The following PCDH9 variants were observed in gnomAD, a reference collection of about 807,000 sequenced individuals.
The protein encoded by PCDH9 is protocadherin 9.
PCDH9 carries 24 observed loss-of-function variants against 70.6 expected under a neutral mutation model. The observed-to-expected ratio is 0.34, with a 90% CI of 0.25 to 0.48. The LOEUF (loss-of-function observed/expected upper bound fraction) is 0.48. Among genes scored for constraint, PCDH9 ranks in the 20% least tolerant of loss-of-function variants. The pLI, the probability that PCDH9 is intolerant of heterozygous loss-of-function variation, is 0.99. For missense variants in PCDH9, 1,281 were observed against 1,503.6 expected (o/e 0.85, Z 2.45); for synonymous variants, 562 against 558.5 (o/e 1.01, Z -0.09).
At chr13:67,121,642 T>C (rs565480390) in intron 2 of PCDH9, among the ~76,000 whole-genome samples, 4 of 152,320 alleles carry the variant, frequency 2.6e-5, no homozygotes, top group African/African-American at 9.6e-5. Context: ...TGGCTAGAAA[T>C]AGTACTTGTA....
intron 3 of PCDH9, among the ~76,000 whole-genome samples, chr13:66,688,770 T>A (rs112455858): frequency 0.017 from 2,592 of 152,268 alleles, 86 homozygotes; most frequent in African/African-American, 0.059. Context: ...ATATAGCACT[T>A]GCATATTTTC....
chr13:66,690,373 T>G (rs751686835), intron 3 of PCDH9, among the ~76,000 whole-genome samples: 1 of 152,168 alleles, frequency 6.6e-6, no homozygotes, highest in Non-Finnish European at 1.5e-5. Context: ...ATTGATAGAT[T>G]TTAAGTCTGA....
At chr13:67,126,500 G>A (rs2086983569) in intron 2 of PCDH9, among the ~76,000 whole-genome samples, 1 of 152,032 alleles carries the variant, frequency 6.6e-6, no homozygotes, top group South Asian at 2.1e-4. Context: ...CTGTATCCTG[G>A]CAGCAAGGAG....
At chr13:66,880,809 C>G (rs1019404014) in intron 3 of PCDH9, among the ~76,000 whole-genome samples, 4 of 152,118 alleles carry the variant, frequency 2.6e-5, no homozygotes, top group Non-Finnish European at 1.5e-5. Flanking sequence ...TTTAACTTGT[C>G]ATAATAATTC....
rs73510070 is a variant in PCDH9, at chr13:66,455,946, A to G, written c.3341-150918T>C. Among the ~76,000 whole-genome samples the G allele has an allele frequency of 8.7e-3, 1,328 of 152,286 alleles. 19 individuals carry two copies. Among genetic ancestry groups the G allele is most frequent in the African/African-American group, 0.03 (1,238 of 41,578 alleles). On this transcript the variant is annotated intron_variant, in intron 4 of 4. Coordinates refer to ENST00000377865, the MANE Select transcript of PCDH9 (RefSeq NM_203487.3). ...CAGCCCATGTTGAAACGTCAGAAGA[A>G]TCTGCACTGGCTATGAAATTATATA...
intron 3 of PCDH9, among the ~76,000 whole-genome samples, chr13:66,839,299 A>G (rs936753393): frequency 2.2e-4 from 34 of 152,252 alleles, no homozygotes; most frequent in African/African-American, 7.7e-4. Context: ...AGATATCTCA[A>G]CAGAATTTCC....
chr13:66,944,817 CTGTGTGTGTG>C (rs67182136), intron 2 of PCDH9, among the ~76,000 whole-genome samples: 23 of 135,448 alleles, frequency 1.7e-4, no homozygotes, highest in African/African-American at 3.4e-4. Flanking sequence ...CTAATCGTCT[CTGTGTGTGTG>C]TGTGTGTGTG....
intron 2 of PCDH9, among the ~76,000 whole-genome samples, chr13:67,016,304 CACTT>C (rs1396361664): frequency 6.6e-6 from 1 of 152,182 alleles, no homozygotes; most frequent in Non-Finnish European, 1.5e-5. Context: ...GGATTAAAAA[CACTT>C]ACTCTGAATT....
chr13:66,445,673 T>C (rs888344318), intron 4 of PCDH9, among the ~76,000 whole-genome samples: 4 of 144,590 alleles, frequency 2.8e-5, no homozygotes, highest in African/African-American at 1.0e-4. Context: ...ATATTATGTA[T>C]ACACATATAT....
chr13:67,012,058 C>T (rs1030046559), intron 2 of PCDH9, among the ~76,000 whole-genome samples: 1 of 151,842 alleles, frequency 6.6e-6, no homozygotes, highest in African/African-American at 2.4e-5. Flanking sequence ...AACTTCTTTC[C>T]TTTTCTTCAC....
At position 66,611,835 on chromosome 13, in the gene PCDH9, G is replaced by T. The variant is rs567045589; in HGVS notation, c.3340+19375C>A. Among the ~76,000 whole-genome samples, 25 of 152,226 alleles carry T rather than the reference G, an allele frequency of 1.6e-4. No individual in the cohort carries two copies. In the South Asian group the frequency reaches 5.2e-3, roughly 32 times the overall value. On this transcript the variant is annotated intron_variant, in intron 4 of 4. Coordinates refer to ENST00000377865, the MANE Select transcript of PCDH9 (RefSeq NM_203487.3). The stretch of plus-strand genomic sequence containing the variant: ...TAATTGAAGACTTATTATTAACCTA[G>T]AACTATTCTAAGTGGGTTACATGTG...
chr13:67,147,847 G>A (rs139864709), intron 2 of PCDH9, among the ~76,000 whole-genome samples: 116 of 152,142 alleles, frequency 7.6e-4, no homozygotes, highest in African/African-American at 2.7e-3. Context: ...TTTTGTTTTT[G>A]GTATGTGACC....
At chr13:66,373,609 A>G (rs1474790941) in intron 4 of PCDH9, among the ~76,000 whole-genome samples, 2 of 152,058 alleles carry the variant, frequency 1.3e-5, no homozygotes, top group African/African-American at 2.4e-5. Context: ...TATTTCTTCA[A>G]TACAGTGAAT....
Position 67,225,075 on chromosome 13 carries a change from C to G in PCDH9, c.3036+330G>C, listed in dbSNP as rs146522147. ...AGTCTTGAAGCAGTCAATTTGGAAA[C>G]CCCCAGGAGCAGAATTTGGCATATC... On this transcript the variant is annotated intron_variant, in intron 2 of 4. Transcript: ENST00000377865. 6 of 1,154,326 alleles carry G rather than the reference C, an allele frequency of 5.2e-6. No homozygotes were observed. The African/African-American group carries it at 9.7e-5, about 19-fold the overall frequency. The allele number at this position is 1,154,326 out of a possible 1,614,324, so 71.5% of individuals were successfully genotyped here. A position where few individuals can be genotyped will look rare whatever the true frequency, so the allele number is the denominator to read the frequency against.
rs149129182 is a variant in PCDH9 at position 67,133,437 on chromosome 13, CAGAA to C, written c.3036+91964_3036+91967del. Among the ~76,000 whole-genome samples the C allele has an allele frequency of 4.2e-3, 646 of 152,186 alleles. 6 individuals carry two copies. Among genetic ancestry groups the C allele is most frequent in the African/African-American group, 0.014 (597 of 41,516 alleles). ...GCATTTGCATAGAGGCTGAATGAGA[CAGAA>C]AGGAATTCTGAATTGGAATTCCTAC... On this transcript the variant is annotated intron_variant, in intron 2 of 4. Coordinates refer to ENST00000377865, the MANE Select transcript of PCDH9 (RefSeq NM_203487.3).
At chr13:67,016,513 A>G (rs910849448) in intron 2 of PCDH9, among the ~76,000 whole-genome samples, 1 of 152,180 alleles carries the variant, frequency 6.6e-6, no homozygotes, top group African/African-American at 2.4e-5. Flanking sequence ...TATAGAGAGG[A>G]AGTTATTGTG....
At chr13:66,677,884 A>G (rs2139052505) in intron 3 of PCDH9, among the ~76,000 whole-genome samples, 1 of 152,288 alleles carries the variant, frequency 6.6e-6, no homozygotes, top group Non-Finnish European at 1.5e-5. Flanking sequence ...AATATTGAAT[A>G]AATATTTTAA....
rs553715491 is a variant in PCDH9 at position 66,844,578 on chromosome 13, C to T, written c.3138+58926G>A. On this transcript the variant is annotated intron_variant, in intron 3 of 4. Coordinates refer to ENST00000377865, the MANE Select transcript of PCDH9 (RefSeq NM_203487.3). Reference sequence around the variant, plus strand: ...CTAGCCAGGGTGACAGGGCGAGACTCTGTCTCAAAAAAAAAAAAAAAGTCC... The same window carrying T: ...CTAGCCAGGGTGACAGGGCGAGACTTTGTCTCAAAAAAAAAAAAAAAGTCC... Among the ~76,000 whole-genome samples, 14 of 137,956 alleles carry T rather than the reference C, an allele frequency of 1.0e-4. No individual in the cohort carries two copies. In the East Asian group the frequency reaches 3.0e-3, roughly 30 times the overall value. The allele number at this position is 137,956 out of a possible 152,430, so 90.5% of individuals were successfully genotyped here.
intron 4 of PCDH9, among the ~76,000 whole-genome samples, chr13:66,562,727 A>AT (rs2076592121): frequency 5.3e-5 from 8 of 152,318 alleles, no homozygotes; most frequent in Admixed American, 1.3e-4. Flanking sequence ...GTGGAGACAC[A>AT]GCCAAATGGT....
Sources: gnomAD v4.1 joint callset for allele counts (sites outside exome capture counted in the v4.1 genomes callset) on GRCh38, gnomAD v4.1.1 for gene constraint, MANE v1.5 for transcripts, NCBI Gene and HGNC (gene_info 2026-07-23, HGNC 2026-07-21) for gene names.